Variants in DOCK4 observed in about 807,000 individuals in gnomAD.
DOCK4 encodes dedicator of cytokinesis protein 4.
A neutral mutation model predicts 268.1 loss-of-function variants in DOCK4; 97 were observed. The observed-to-expected ratio is 0.36, with a 90% CI of 0.31 to 0.43. The LOEUF (loss-of-function observed/expected upper bound fraction) is 0.43, where lower values mean the gene tolerates loss of function less well. DOCK4 is among the 20% of genes least tolerant of loss of function. The pLI, the probability that DOCK4 is intolerant of heterozygous loss-of-function variation, is 1.00. For missense variants in DOCK4, 2,145 were observed against 2,455.7 expected (o/e 0.87, Z 2.67); for synonymous variants, 954 against 887.2 (o/e 1.08, Z -1.34).
intron 12 of DOCK4, among the ~76,000 whole-genome samples, chr7:111,930,305 C>T (rs996715199): frequency 4.6e-5 from 7 of 151,812 alleles, no homozygotes; most frequent in African/African-American, 1.7e-4. Context: ...GGTTAATGTA[C>T]CTTTGCAACA....
At chr7:111,809,112 G>C (rs114961125) in intron 29 of DOCK4, among the ~76,000 whole-genome samples, 189 bp downstream of exon 29, 1 of 152,136 alleles carries the variant, frequency 6.6e-6, no homozygotes, top group Non-Finnish European at 1.5e-5. Context: ...TCCTGAAAGA[G>C]CCAGGTCAAA....
intron 1 of DOCK4, among the ~76,000 whole-genome samples, chr7:112,164,570 A>G (rs1400343244): frequency 1.3e-5 from 2 of 152,182 alleles, no homozygotes; most frequent in East Asian, 1.9e-4. Flanking sequence ...ACACACACAC[A>G]CGACTTTGTG....
chr7:111,744,169 G>A (rs997915531), intron 44 of DOCK4, among the ~76,000 whole-genome samples: 1 of 152,214 alleles, frequency 6.6e-6, no homozygotes, highest in Admixed American at 6.5e-5. Flanking sequence ...GCACCACTGA[G>A]AAGGTAGCAA....
In DOCK4 at chr7:111,977,010, G is replaced by T. The variant is rs1170522653; in HGVS notation, c.701+122C>A. On this transcript the variant is annotated intron_variant, in intron 8 of 52. Coordinates refer to ENST00000428084, the MANE Select transcript of DOCK4 (RefSeq NM_001363540.2). ...AGCTTAGAAACTCAGAGTTCTACTG[G>T]TGAGAAAATTGAAGCTGACGGAGTA... 7 of 1,162,994 alleles carry T rather than the reference G, an allele frequency of 6.0e-6. No homozygotes were observed. The East Asian group carries it at 1.8e-4, about 30-fold the overall frequency. 72.0% of individuals were successfully genotyped at this position (1,162,994 alleles called of 1,614,324 possible).
At chr7:112,079,574 A>T (rs1808396337) in intron 1 of DOCK4, among the ~76,000 whole-genome samples, 1 of 152,208 alleles carries the variant, frequency 6.6e-6, no homozygotes, top group Non-Finnish European at 1.5e-5. Context: ...GAATGAGGAC[A>T]GGAAAGGGTC....
chr7:111,909,859 G>C (rs1445504142), intron 13 of DOCK4, among the ~76,000 whole-genome samples: 1 of 151,852 alleles, frequency 6.6e-6, no homozygotes, highest in African/African-American at 2.4e-5. Flanking sequence ...TTATTCAAGA[G>C]GCTAAGGCAG....
At chr7:112,145,358 T>C (rs1243118233) in intron 1 of DOCK4, among the ~76,000 whole-genome samples, 2 of 152,108 alleles carry the variant, frequency 1.3e-5, no homozygotes, top group Admixed American at 6.5e-5. Context: ...TTAAACAACA[T>C]AGGAACATAC....
intron 1 of DOCK4, among the ~76,000 whole-genome samples, chr7:112,033,179 A>G (rs1471666401): frequency 6.6e-6 from 1 of 152,220 alleles, no homozygotes; most frequent in Non-Finnish European, 1.5e-5. Flanking sequence ...AGACAGATAC[A>G]TCATAATCTA....
chr7:111,950,990 TC>T (rs1220344250), intron 8 of DOCK4, among the ~76,000 whole-genome samples: 1 of 152,144 alleles, frequency 6.6e-6, no homozygotes, highest in African/African-American at 2.4e-5. Flanking sequence ...TTATTTGACT[TC>T]CCCATATACT....
intron 30 of DOCK4, among the ~76,000 whole-genome samples, chr7:111,804,459 A>C (rs1480427412): frequency 1.3e-5 from 2 of 152,160 alleles, no homozygotes; most frequent in African/African-American, 4.8e-5. Flanking sequence ...GTTATTGTTT[A>C]TTGGGTATAG....
chr7:111,846,788 C>G (rs559194205), intron 24 of DOCK4, among the ~76,000 whole-genome samples: 1 of 152,268 alleles, frequency 6.6e-6, no homozygotes, highest in African/African-American at 2.4e-5. Context: ...CCTTGAAATA[C>G]AAGTTTGGGG....
chr7:112,191,009 T>C (rs1018965879), intron 1 of DOCK4, among the ~76,000 whole-genome samples: 1 of 152,186 alleles, frequency 6.6e-6, no homozygotes. Context: ...GCTCCTCCAA[T>C]GAATGGGAAT....
chr7:111,922,300 G>A (rs1358163891), intron 12 of DOCK4, among the ~76,000 whole-genome samples: 1 of 151,788 alleles, frequency 6.6e-6, no homozygotes, highest in Non-Finnish European at 1.5e-5. Context: ...CCCTCTAAAT[G>A]GATTAAGTTT....
At chr7:111,769,812 G>T in intron 36 of DOCK4, 135 bp from the exon 37 acceptor site, 1 of 1,039,806 alleles carries the variant, frequency 9.6e-7, no homozygotes, top group Non-Finnish European at 1.4e-6. Flanking sequence ...AAAATATCCA[G>T]AATATATGCA....
intron 37 of DOCK4, 87 bp from the exon 38 acceptor site, chr7:111,767,205 G>T: frequency 1.0e-6 from 1 of 970,152 alleles, no homozygotes; most frequent in Non-Finnish European, 1.6e-6. Flanking sequence ...TGCTTTCAGA[G>T]CACCAAGCCT....
intron 30 of DOCK4, among the ~76,000 whole-genome samples, chr7:111,805,986 A>T (rs1563529769): frequency 1.3e-5 from 2 of 152,214 alleles, no homozygotes; most frequent in African/African-American, 2.4e-5. Context: ...AAGCTTTGTC[A>T]TAGTTCAAAC....
chr7:112,169,472 G>A (rs1364805030), intron 1 of DOCK4, among the ~76,000 whole-genome samples: 1 of 152,124 alleles, frequency 6.6e-6, no homozygotes, highest in Non-Finnish European at 1.5e-5. Flanking sequence ...GGATAAAATT[G>A]AGAATTTTGT....
chr7:111,864,970 T>G (rs535998505), intron 22 of DOCK4, among the ~76,000 whole-genome samples: 54 of 152,166 alleles, frequency 3.5e-4, no homozygotes, highest in Middle Eastern at 3.2e-3. Flanking sequence ...ATAGGATGAT[T>G]AAAAAGGATA....
intron 1 of DOCK4, among the ~76,000 whole-genome samples, chr7:112,168,943 C>T (rs11534046): frequency 0.087 from 13,280 of 152,256 alleles, 728 homozygotes; most frequent in East Asian, 0.15. Flanking sequence ...TTTTAGAAAA[C>T]TACACATATA....
Sources: gnomAD v4.1 joint callset for allele counts (sites outside exome capture counted in the v4.1 genomes callset) on GRCh38, gnomAD v4.1.1 for gene constraint, MANE v1.5 for transcripts, NCBI Gene and HGNC (gene_info 2026-07-23, HGNC 2026-07-21) for gene names.